Variants in TASOR observed in about 807,000 individuals in gnomAD.
TASOR encodes transcription activation suppressor, also known as protein TASOR.
In TASOR, 53 loss-of-function variants were observed where a neutral mutation model predicts 178.6. The ratio of observed to expected loss-of-function variants is 0.30; its 90% CI spans 0.24 to 0.37. The LOEUF is 0.37. Among genes scored for constraint, TASOR ranks in the 10% least tolerant of loss-of-function variants. The pLI is 1.00. For synonymous variants in TASOR, 713 were observed against 696.2 expected, an observed-to-expected ratio of 1.02 and a Z score of -0.38; for missense variants, 1,815 against 1,971.4, an observed-to-expected ratio of 0.92 and a Z score of 1.50.
chr3:56,621,418 C>A lies in TASOR; in HGVS notation c.*1619G>T. Reference sequence around the variant, plus strand: ...CATTTCTGAAAAAATTTTTGAATGACAAAATTTTATCCTAAGCGATATGTT... The same window carrying A: ...CATTTCTGAAAAAATTTTTGAATGAAAAAATTTTATCCTAAGCGATATGTT... On this transcript the variant is annotated 3_prime_UTR_variant, in exon 24 of 24. Transcript: ENST00000683822. The A allele has an allele frequency of 1.4e-6, 1 of 727,362 alleles. No homozygotes were observed. The highest frequency in any genetic ancestry group is 2.1e-6 in the Non-Finnish European group (1 of 465,370). 45.1% of individuals were successfully genotyped at this position (727,362 alleles called of 1,614,324 possible). A position where few individuals can be genotyped will look rare whatever the true frequency, so the allele number is the denominator to read the frequency against.
intron 1 of TASOR, among the ~76,000 whole-genome samples, chr3:56,675,671 CTA>C (rs1347306772): frequency 6.6e-6 from 1 of 152,126 alleles, no homozygotes; most frequent in East Asian, 1.9e-4. Context: ...CTCATAGAAA[CTA>C]TGTTATTCTC....
At chr3:56,682,329 T>C (rs1559860456) in intron 1 of TASOR, among the ~76,000 whole-genome samples, 1 of 147,664 alleles carries the variant, frequency 6.8e-6, no homozygotes. Context: ...GCGAGACTTC[T>C]CAGAAGCATC....
intron 18 of TASOR, chr3:56,629,110 G>A (rs1295816990): frequency 1.3e-5 from 2 of 152,442 alleles, no homozygotes; most frequent in African/African-American, 4.8e-5. Flanking sequence ...GAATCTAAAG[G>A]TCAGAGCTTC....
intron 18 of TASOR, among the ~76,000 whole-genome samples, chr3:56,632,485 A>ACC (rs775078259): frequency 2.0e-5 from 3 of 150,152 alleles, no homozygotes; most frequent in African/African-American, 4.9e-5. Context: ...AAAAAAAAAA[A>ACC]CAAAAATCCA....
intron 11 of TASOR, among the ~76,000 whole-genome samples, chr3:56,654,840 C>T (rs1352591629): frequency 6.6e-6 from 1 of 152,226 alleles, no homozygotes; most frequent in East Asian, 1.9e-4. Context: ...ATACCACTGG[C>T]AGTCCTGGTT....
chr3:56,675,713 T>C (rs1007094066), intron 1 of TASOR, among the ~76,000 whole-genome samples: 8 of 152,198 alleles, frequency 5.3e-5, no homozygotes, highest in Non-Finnish European at 1.2e-4. Context: ...AAGACACTAT[T>C]TAATAAGGGT....
intron 21 of TASOR, among the ~76,000 whole-genome samples, chr3:56,626,552 G>A (rs2076803034): frequency 6.6e-6 from 1 of 152,022 alleles, no homozygotes; most frequent in Admixed American, 6.6e-5. Flanking sequence ...AGACCAGCCG[G>A]GCCAACACGG....
At chr3:56,647,427 C>T (rs1246023459) in intron 13 of TASOR, among the ~76,000 whole-genome samples, 1 of 151,866 alleles carries the variant, frequency 6.6e-6, no homozygotes. Context: ...TAAAACAGGC[C>T]AATAAGAAAC....
intron 2 of TASOR, 135 bp downstream of exon 2, chr3:56,673,445 A>C (rs1226145711): frequency 1.4e-5 from 9 of 645,666 alleles, no homozygotes; most frequent in Non-Finnish European, 2.1e-5. Context: ...AAAAAAAAAA[A>C]AAAAAAAAAA....
At position 56,638,743 on chromosome 3, in the gene TASOR, T is replaced by C. The variant is rs1344124679; in HGVS notation, c.2787A>G (p.Glu929=). The C allele has an allele frequency of 5.6e-6, 9 of 1,614,124 alleles. No homozygotes were observed. The highest frequency in any genetic ancestry group is 6.8e-6 in the Non-Finnish European group (8 of 1,179,992). The part of the protein sequence containing the change: ...PITGGNARSP[E]DQLGKHGEKQ... ...TCTCACCATGTTTCCCCAGCTGGTC[T>C]TCTGGGCTTCTTGCATTCCCTCCTG... is the stretch of plus-strand genomic sequence containing the variant. Residue 929 remains glutamate (E), a synonymous_variant, in exon 17 of 24, where the codon GAA becomes GAG. Coordinates refer to ENST00000683822, the MANE Select transcript of TASOR (RefSeq NM_001365635.2).
intron 1 of TASOR, among the ~76,000 whole-genome samples, chr3:56,674,541 C>CA (rs1221696099): frequency 2.0e-5 from 3 of 152,060 alleles, no homozygotes; most frequent in Non-Finnish European, 2.9e-5. Context: ...ATGCTGCACT[C>CA]ACGTGGCTTC....
Position 56,662,478 on chromosome 3 carries a change from T to C in TASOR, c.1067A>G (p.Tyr356Cys). The change falls in exon 9 of 24, where the codon TAT becomes TGT. Residue 356 changes from tyrosine to cysteine, a missense_variant. Physicochemically the swap from Tyr to Cys is radical, Grantham distance 194 (BLOSUM62 -2). Coordinates refer to ENST00000683822, the MANE Select transcript of TASOR (RefSeq NM_001365635.2). ...TAAAAGCTGTCCTTTCCACAAGGTA[T>C]AGTTATATTTATCTAAATAAAAAGA... ...NTDRNIDKYNYTLWKGQLLNK... is the reference protein window; with the variant it reads ...NTDRNIDKYNCTLWKGQLLNK... 10 of 1,483,346 alleles carry C rather than the reference T, an allele frequency of 6.7e-6. No homozygotes were observed. Among genetic ancestry groups the C allele is most frequent in the Non-Finnish European group, 9.2e-6 (10 of 1,092,722 alleles). The allele number at this position is 1,483,346 out of a possible 1,614,324, so 91.9% of individuals were successfully genotyped here.
chr3:56,643,766 A>C (rs201333520), intron 14 of TASOR, among the ~76,000 whole-genome samples: 1 of 107,400 alleles, frequency 9.3e-6, no homozygotes, highest in African/African-American at 4.4e-5. Flanking sequence ...AAAAAAAAAA[A>C]AACAAAAAAA....
intron 14 of TASOR, among the ~76,000 whole-genome samples, chr3:56,644,527 CAG>C (rs915761510): frequency 6.6e-6 from 1 of 152,088 alleles, no homozygotes; most frequent in Non-Finnish European, 1.5e-5. Flanking sequence ...ATACTCTAGG[CAG>C]AGAGAGATGA....
chr3:56,668,381 G>A lies in TASOR; in HGVS notation c.897+16C>T, dbSNP rs759190678. Reference sequence around the variant, plus strand: ...AGGTATGAGATCACAACATTACAACGGATCCTGGAACCTACCTGAGTAAGC... The same window carrying A: ...AGGTATGAGATCACAACATTACAACAGATCCTGGAACCTACCTGAGTAAGC... On this transcript the variant is annotated intron_variant, in intron 6 of 23. Transcript: ENST00000683822. The A allele has an allele frequency of 6.9e-5, 107 of 1,549,218 alleles. No individual in the cohort carries two copies. The highest frequency in any genetic ancestry group is 1.2e-4 in the East Asian group (5 of 40,894).
intron 11 of TASOR, among the ~76,000 whole-genome samples, chr3:56,649,813 G>A (rs1320454753): frequency 2.0e-5 from 3 of 152,220 alleles, no homozygotes; most frequent in African/African-American, 7.2e-5. Flanking sequence ...GGACATTTCA[G>A]TAGAGGCAAC....
rs139994673 is a variant in TASOR, at chr3:56,641,709, C to G, written c.2259G>C (p.Leu753Phe). 2 of 1,614,124 alleles carry G rather than the reference C, an allele frequency of 1.2e-6. No homozygotes were observed. The highest frequency in any genetic ancestry group is 1.7e-6 in the Non-Finnish European group (2 of 1,180,012). ...PIGSLGHDAD[L>F]RRQQQDTCNS... ...TACAGGTATCCTGCTGCTGCCGCCT[C>G]AAGTCAGCATCATGTCCAAGTGAGC... The change falls in exon 15 of 24, where the codon TTG becomes TTC. Residue 753 changes from leucine (L) to phenylalanine (F), a missense_variant. Leu to Phe is a conservative substitution (Grantham distance 22). Coordinates refer to ENST00000683822, the MANE Select transcript of TASOR (RefSeq NM_001365635.2).
intron 9 of TASOR, among the ~76,000 whole-genome samples, chr3:56,661,260 C>T (rs1005457661): frequency 6.6e-6 from 1 of 152,204 alleles, no homozygotes; most frequent in African/African-American, 2.4e-5. Flanking sequence ...GATTCTCCCA[C>T]CTCAACCTCC....
In TASOR at chr3:56,666,326, G is replaced by A. The variant is rs1441473979; in HGVS notation, c.956C>T (p.Pro319Leu). ...ELRRRPRHVC[P>L]YAVVSFTYKD... ...GTAAGTAAAAGACACAACTGCATAT[G>A]GACAAACGTGTCTTGGTCTTCGCCT... Residue 319 changes from proline (P) to leucine (L), a missense_variant, in exon 7 of 24, where the codon CCA becomes CTA. Transcript: ENST00000683822. The A allele has an allele frequency of 6.5e-7, 1 of 1,546,194 alleles. No individual in the cohort carries two copies. Among genetic ancestry groups the A allele is most frequent in the Non-Finnish European group, 8.7e-7 (1 of 1,144,404 alleles).
Sources: gnomAD v4.1 joint callset for allele counts (sites outside exome capture counted in the v4.1 genomes callset) on GRCh38, gnomAD v4.1.1 for gene constraint, MANE v1.5 for transcripts, NCBI Gene and HGNC (gene_info 2026-07-23, HGNC 2026-07-21) for gene names.